Variants in SPATA18 observed in about 807,000 individuals in gnomAD.
The protein encoded by SPATA18 is mitochondria-eating protein.
Under a neutral mutation model 68.1 loss-of-function variants are expected in SPATA18, and 54 were observed. That is an observed-to-expected ratio of 0.79 (90% confidence interval 0.64 to 0.99). The LOEUF (loss-of-function observed/expected upper bound fraction) is 0.99, where lower values mean the gene tolerates loss of function less well. Ranked by LOEUF, SPATA18 falls within the 50% of genes least tolerant of loss-of-function variation. SPATA18 has a pLI of 0.00. For missense variants in SPATA18, 724 were observed against 681.1 expected, an observed-to-expected ratio of 1.06 and a Z score of -0.70; for synonymous variants, 242 against 244.8, an observed-to-expected ratio of 0.99 and a Z score of 0.11.
chr4:52,087,553 C>T (rs1226294669), intron 11 of SPATA18, among the ~76,000 whole-genome samples: 1 of 152,068 alleles, frequency 6.6e-6, no homozygotes, highest in East Asian at 1.9e-4. Flanking sequence ...TTGTTTTTGT[C>T]AGATTTGTCA....
intron 1 of SPATA18, among the ~76,000 whole-genome samples, chr4:52,060,138 A>G (rs1245215450): frequency 6.6e-6 from 1 of 152,228 alleles, no homozygotes; most frequent in Non-Finnish European, 1.5e-5. Context: ...AAGTCATTCA[A>G]GAGGTTCTCT....
chr4:52,068,461 G>T (rs573112297), intron 4 of SPATA18, among the ~76,000 whole-genome samples: 2 of 152,198 alleles, frequency 1.3e-5, no homozygotes, highest in South Asian at 2.1e-4. Context: ...ATGGAGTGCC[G>T]AGAAGGGGAA....
Position 52,062,253 on chromosome 4 carries a change from AG to A in SPATA18, c.344del (p.Ser115IlefsTer10). 6.2e-7 allele frequency: 1 copy of A among 1,601,988 alleles called. No individual in the cohort carries two copies. ...TGATAGGGAGAGACATAAAGATCCC[AG>A]TCCTCGGGATCGGGATATGCAACAG... ...TFDRERHKDPSPRDRDMQQLD... is the reference protein window; with the variant it reads ...TFDRERHKDPXPRDRDMQQLD... On this transcript the variant is annotated frameshift_variant, in exon 4 of 13. Transcript: ENST00000295213. LOFTEE classifies it high-confidence loss of function.
chr4:52,071,764 G>A (rs565849863), intron 5 of SPATA18, among the ~76,000 whole-genome samples, 153 bp from the exon 6 acceptor site: 2 of 152,148 alleles, frequency 1.3e-5, no homozygotes, highest in African/African-American at 2.4e-5. Context: ...TCATTCATGT[G>A]TATTTCCATC....
At chr4:52,081,649 A>G (rs565516762) in intron 9 of SPATA18, among the ~76,000 whole-genome samples, 4 of 152,258 alleles carry the variant, frequency 2.6e-5, no homozygotes, top group Admixed American at 1.3e-4. Flanking sequence ...ATTCATTTTG[A>G]ATACAACTGA....
At chr4:52,070,735 C>T (rs1739755566) in intron 5 of SPATA18, among the ~76,000 whole-genome samples, 1 of 152,026 alleles carries the variant, frequency 6.6e-6, no homozygotes, top group African/African-American at 2.4e-5. Flanking sequence ...ATGTATAAAA[C>T]ATTCATAAAA....
chr4:52,090,614 C>T (rs182301468), intron 11 of SPATA18, among the ~76,000 whole-genome samples: 2 of 152,330 alleles, frequency 1.3e-5, no homozygotes, highest in African/African-American at 2.4e-5. Context: ...TTGGCCCTCA[C>T]TCTCTTCTGG....
chr4:52,071,885 C>A, intron 5 of SPATA18, 32 bp from the exon 6 acceptor site: 1 of 1,605,522 alleles, frequency 6.2e-7, no homozygotes, highest in Non-Finnish European at 8.5e-7. Context: ...CTCCTCTCTT[C>A]CCTTCCTCTG....
chr4:52,085,073 A>G (rs1181839613), intron 11 of SPATA18, 74 bp downstream of exon 11: 5 of 1,186,842 alleles, frequency 4.2e-6, no homozygotes, highest in Non-Finnish European at 6.1e-6. Flanking sequence ...CTTCAGCAAT[A>G]CAAAAGAGGT....
intron 7 of SPATA18, 125 bp downstream of exon 7, chr4:52,077,165 C>A: frequency 9.7e-7 from 1 of 1,033,380 alleles, no homozygotes; most frequent in South Asian, 1.8e-5. Flanking sequence ...AGATTCCAGT[C>A]TCCCCATCTG....
chr4:52,083,815 A>G (rs983471723), intron 10 of SPATA18, among the ~76,000 whole-genome samples: 9 of 147,414 alleles, frequency 6.1e-5, no homozygotes, highest in Non-Finnish European at 1.0e-4. Flanking sequence ...ATCTCAGCTC[A>G]CTGCAACCTC....
chr4:52,091,593 C>T (rs1197783355), intron 11 of SPATA18, among the ~76,000 whole-genome samples: 1 of 152,298 alleles, frequency 6.6e-6, no homozygotes, highest in South Asian at 2.1e-4. Flanking sequence ...CTGGGTATCA[C>T]CAGTGGAGGC....
intron 10 of SPATA18, chr4:52,082,844 G>A: frequency 2.0e-6 from 2 of 985,262 alleles, no homozygotes; most frequent in Non-Finnish European, 2.4e-6. Context: ...ATAATCCTAA[G>A]CACTTAAAAT....
At chr4:52,061,905 G>T (rs1738888993) in intron 3 of SPATA18, among the ~76,000 whole-genome samples, 1 of 152,086 alleles carries the variant, frequency 6.6e-6, no homozygotes, top group Non-Finnish European at 1.5e-5. Context: ...ACTGTTTTTG[G>T]AAATTGAGGT....
chr4:52,076,800 C>G lies in SPATA18; in HGVS notation c.780C>G (p.Pro260=). ...ACAGGTCCTCCAGGAGCCGGTCTCC[C>G]AGCCCTGCCCCTCGCAGCCGTAGCT... ...LQGRSSRSRS[P]SPAPRSRSCS... The change falls in exon 7 of 13, where the codon CCC becomes CCG. Residue 260 remains proline (P), a synonymous_variant. Coordinates refer to ENST00000295213, the MANE Select transcript of SPATA18 (RefSeq NM_145263.4). The G allele has an allele frequency of 6.2e-7, 1 of 1,613,900 alleles. No homozygotes were observed. The highest frequency in any genetic ancestry group is 8.5e-7 in the Non-Finnish European group (1 of 1,179,860).
rs1348378803 is a variant in SPATA18, at chr4:52,096,073, T to G, written c.*1186T>G. On this transcript the variant is annotated 3_prime_UTR_variant, in exon 13 of 13. Transcript: ENST00000295213. ...GTGCCAGAACCAGCACCTGATGCTT[T>G]TCAGGTGAAAATAAAACAAACAGCT... The G allele has an allele frequency of 6.6e-6, 1 of 152,160 alleles. No individual in the cohort carries two copies. The highest frequency in any genetic ancestry group is 1.5e-5 in the Non-Finnish European group (1 of 68,026). The allele number at this position is 152,160 out of a possible 1,614,324, so 9.4% of individuals were successfully genotyped here.
chr4:52,077,019 G>C lies in SPATA18; in HGVS notation c.999G>C (p.Arg333=). The C allele has an allele frequency of 1.2e-6, 2 of 1,607,708 alleles. No homozygotes were observed. Among genetic ancestry groups the C allele is most frequent in the Non-Finnish European group, 1.7e-6 (2 of 1,176,916 alleles). Residue 333 remains arginine, a synonymous_variant, in exon 7 of 13, where the codon CGG becomes CGC. Transcript: ENST00000295213. ...RCIDKAETVQ[R]IIYIATVEAF... is the part of the protein sequence containing the mutation. The stretch of plus-strand genomic sequence containing the variant: ...TCGACAAGGCTGAGACCGTTCAGCG[G>C]ATCATCTACATCGCCACAGTGGTAT...
chr4:52,069,256 A>G (rs1351114739), intron 4 of SPATA18, among the ~76,000 whole-genome samples: 1 of 152,228 alleles, frequency 6.6e-6, no homozygotes, highest in Non-Finnish European at 1.5e-5. Flanking sequence ...TAACTATGAC[A>G]GAGATACAGT....
At chr4:52,061,487 A>AAATAAT (rs3050629) in intron 3 of SPATA18, among the ~76,000 whole-genome samples, 45,255 of 143,314 alleles carry the variant, frequency 0.32, 8,231 homozygotes, top group Middle Eastern at 0.44. Flanking sequence ...CCTAAAGTAA[A>AAATAAT]AATAATAATA....
Sources: gnomAD v4.1 joint callset for allele counts (sites outside exome capture counted in the v4.1 genomes callset) on GRCh38, gnomAD v4.1.1 for gene constraint, MANE v1.5 for transcripts, NCBI Gene and HGNC (gene_info 2026-07-23, HGNC 2026-07-21) for gene names.